The following RGS8 variants were observed in gnomAD, a reference collection of about 807,000 sequenced individuals.
The protein encoded by RGS8 is regulator of G-protein signaling 8.
In RGS8, 8 loss-of-function variants were observed where a neutral mutation model predicts 21.7. That is an observed-to-expected ratio of 0.37 (90% CI 0.22 to 0.66). The LOEUF (loss-of-function observed/expected upper bound fraction) is 0.66. Among genes scored for constraint, RGS8 ranks in the 30% least tolerant of loss-of-function variants. The pLI, the probability that RGS8 is intolerant of heterozygous loss-of-function variation, is 0.59. For synonymous variants in RGS8, 80 were observed against 83.6 expected, an observed-to-expected ratio of 0.96 and a Z score of 0.24; for missense variants, 157 against 217.9, an observed-to-expected ratio of 0.72 and a Z score of 1.76.
At chr1:182,704,884 A>T in the RGS8 span, among the ~76,000 whole-genome samples, 3 of 152,164 alleles carry the variant, frequency 2.0e-5, no homozygotes, top group Non-Finnish European at 2.9e-5. Flanking sequence ...AGGCACTCAC[A>T]CCACACGTGC....
At chr1:182,708,133 T>C in the RGS8 span, among the ~76,000 whole-genome samples, 3 of 152,294 alleles carry the variant, frequency 2.0e-5, no homozygotes, top group South Asian at 4.1e-4. Context: ...GTAGTGCAGA[T>C]GGAATTCAGC....
the RGS8 span, among the ~76,000 whole-genome samples, chr1:182,714,093 C>T: frequency 6.6e-6 from 1 of 152,068 alleles, no homozygotes; most frequent in African/African-American, 2.4e-5. Flanking sequence ...CCTTTCCTCC[C>T]CCTCATGCCC....
chr1:182,707,030 G>C, the RGS8 span, among the ~76,000 whole-genome samples: 1 of 151,890 alleles, frequency 6.6e-6, no homozygotes, highest in Non-Finnish European at 1.5e-5. Flanking sequence ...GTGGTGGGGG[G>C]TGCCTATAAT....
upstream of RGS8, among the ~76,000 whole-genome samples, chr1:182,676,284 C>T (rs1664351360): frequency 6.6e-6 from 1 of 152,094 alleles, no homozygotes; most frequent in Admixed American, 6.5e-5. Context: ...TGCCAAATGC[C>T]CCTGTGTGTT....
At chr1:182,654,271 A>C (rs1663159663) in intron 5 of RGS8, among the ~76,000 whole-genome samples, 1 of 152,232 alleles carries the variant, frequency 6.6e-6, no homozygotes, top group South Asian at 2.1e-4. Context: ...GGGAGATTAA[A>C]AGAAGCAAAA....
the RGS8 span, among the ~76,000 whole-genome samples, chr1:182,742,105 G>A: frequency 2.7e-5 from 4 of 148,924 alleles, no homozygotes; most frequent in East Asian, 2.0e-4. Flanking sequence ...CAGACAGGGC[G>A]GCGGGGCAGA....
upstream of RGS8, among the ~76,000 whole-genome samples, chr1:182,689,153 A>C (rs74625353): frequency 3.8e-3 from 571 of 152,234 alleles, 1 homozygote; most frequent in African/African-American, 0.013. Flanking sequence ...CTGTTGAAAA[A>C]CCAAAATCAG....
chr1:182,683,549 G>T (rs577588661), intron 1 of RGS8, among the ~76,000 whole-genome samples: 41 of 146,406 alleles, frequency 2.8e-4, no homozygotes, highest in African/African-American at 1.0e-3. Context: ...CAGGTTCTCA[G>T]TATGTAGTTC....
the RGS8 span, among the ~76,000 whole-genome samples, chr1:182,697,833 T>C: frequency 6.8e-4 from 104 of 152,324 alleles, 1 homozygote; most frequent in African/African-American, 2.5e-3. Flanking sequence ...CGTCTTTCAA[T>C]TGATAGAATA....
At chr1:182,723,139 T>TG in the RGS8 span, among the ~76,000 whole-genome samples, 4 of 152,126 alleles carry the variant, frequency 2.6e-5, no homozygotes, top group South Asian at 2.1e-4. Flanking sequence ...TGTTCTGGGT[T>TG]GGGGGGGACA....
chr1:182,721,676 G>T, the RGS8 span, among the ~76,000 whole-genome samples: 1 of 152,158 alleles, frequency 6.6e-6, no homozygotes, highest in Non-Finnish European at 1.5e-5. Flanking sequence ...TGCCATCCTG[G>T]TGTAGGGATG....
At chr1:182,671,951 G>T (rs142758866), upstream of RGS8, 1 of 1,388,728 alleles carries the variant, frequency 7.2e-7, no homozygotes, top group Non-Finnish European at 9.3e-7. Context: ...AGCGGGCGGC[G>T]GCTCAGCTCC....
the RGS8 span, among the ~76,000 whole-genome samples, chr1:182,690,340 C>A: frequency 3.9e-5 from 6 of 152,194 alleles, no homozygotes; most frequent in African/African-American, 1.4e-4. Flanking sequence ...CCTGGCTAGA[C>A]CATAAGCTCC....
At chr1:182,717,263 C>T in the RGS8 span, among the ~76,000 whole-genome samples, 4 of 152,210 alleles carry the variant, frequency 2.6e-5, no homozygotes, top group Admixed American at 2.6e-4. Context: ...TGAAAACCAT[C>T]CTCATCTTCA....
chr1:182,647,058 G>T lies in RGS8; in HGVS notation c.361-141C>A. The T allele has an allele frequency of 4.2e-6, 3 of 717,520 alleles. No homozygotes were observed. In the South Asian group the frequency reaches 5.7e-5, roughly 14 times the overall value. 44.4% of individuals were successfully genotyped at this position (717,520 alleles called of 1,614,324 possible). On this transcript the variant is annotated intron_variant, in intron 6 of 6. Coordinates refer to ENST00000483095, the Ensembl canonical transcript of RGS8. Reference sequence around the variant, plus strand: ...CTGCTTTTCAAATTGCTTCCATGGAGGTCATCCCTTTTGATCACAGCAAGA... The same window carrying T: ...CTGCTTTTCAAATTGCTTCCATGGATGTCATCCCTTTTGATCACAGCAAGA...
chr1:182,672,746 T>C (rs1664224415), upstream of RGS8: 4 of 1,571,250 alleles, frequency 2.5e-6, no homozygotes, highest in African/African-American at 2.7e-5. Flanking sequence ...CTTTTCCTTT[T>C]GTTCTGCCCG....
chr1:182,738,400 T>A, the RGS8 span, among the ~76,000 whole-genome samples: 6 of 152,258 alleles, frequency 3.9e-5, no homozygotes, highest in Non-Finnish European at 7.3e-5. Flanking sequence ...AAATGACCAA[T>A]AAATAGTAGC....
At chr1:182,695,830 A>T in the RGS8 span, among the ~76,000 whole-genome samples, 1 of 152,194 alleles carries the variant, frequency 6.6e-6, no homozygotes, top group Non-Finnish European at 1.5e-5. Flanking sequence ...CTTAATGTAC[A>T]TGTGCATATG....
At chr1:182,740,208 G>A in the RGS8 span, among the ~76,000 whole-genome samples, 1 of 152,190 alleles carries the variant, frequency 6.6e-6, no homozygotes, top group Non-Finnish European at 1.5e-5. Context: ...CTGTAATAGA[G>A]ACCTAAGTGC....
Sources: allele counts gnomAD v4.1 joint callset (sites outside exome capture counted in the v4.1 genomes callset), GRCh38; gene constraint gnomAD v4.1.1; transcripts MANE v1.5; gene names NCBI Gene and HGNC (gene_info 2026-07-23, HGNC 2026-07-21).